Variants in PINX1 observed in about 807,000 individuals in gnomAD.
PINX1 encodes PIN2/TERF1-interacting telomerase inhibitor 1.
PINX1 carries 34 observed loss-of-function variants against 25.4 expected under a neutral mutation model. The ratio of observed to expected loss-of-function variants is 1.34; its 90% CI spans 1.02 to 1.78. The LOEUF is 1.78. Ranked by LOEUF, PINX1 falls within the 40% of genes most tolerant of loss-of-function variation. The pLI is 0.00. For synonymous variants in PINX1, 197 were observed against 147.7 expected, an observed-to-expected ratio of 1.33 and a Z score of -2.42; for missense variants, 592 against 404.9, an observed-to-expected ratio of 1.46 and a Z score of -3.97.
At chr8:10,829,664 T>C (rs968003408) in intron 4 of PINX1, among the ~76,000 whole-genome samples, 1 of 151,830 alleles carries the variant, frequency 6.6e-6, no homozygotes, top group African/African-American at 2.4e-5. Flanking sequence ...CCAAGTCTTA[T>C]ATGTTCATGC....
At chr8:10,775,304 C>A (rs1030150668) in intron 6 of PINX1, among the ~76,000 whole-genome samples, 7 of 151,956 alleles carry the variant, frequency 4.6e-5, no homozygotes, top group African/African-American at 1.4e-4. Context: ...GGCAACAAAG[C>A]ATTGTTTGCA....
chr8:10,766,925 A>G (rs1801068959), intron 6 of PINX1, among the ~76,000 whole-genome samples: 1 of 152,228 alleles, frequency 6.6e-6, no homozygotes, highest in South Asian at 2.1e-4. Flanking sequence ...CCTGTGAGGC[A>G]GGAAGTGCTT....
chr8:10,787,322 G>C (rs1216468769), intron 6 of PINX1, among the ~76,000 whole-genome samples: 1 of 151,986 alleles, frequency 6.6e-6, no homozygotes, highest in Non-Finnish European at 1.5e-5. Context: ...GAATTCCTGG[G>C]CTCAAGCAAT....
intron 6 of PINX1, among the ~76,000 whole-genome samples, chr8:10,815,359 T>A (rs1036103864): frequency 6.6e-6 from 1 of 152,270 alleles, no homozygotes; most frequent in East Asian, 1.9e-4. Context: ...CGCTTTGATA[T>A]AATTTTCTTT....
chr8:10,785,754 G>T (rs988398064), intron 6 of PINX1, among the ~76,000 whole-genome samples: 2 of 152,204 alleles, frequency 1.3e-5, no homozygotes, highest in African/African-American at 4.8e-5. Context: ...CCCAGTATGT[G>T]GAGGTCTGTT....
chr8:10,810,861 G>A (rs1399233382), intron 6 of PINX1, among the ~76,000 whole-genome samples: 2 of 152,222 alleles, frequency 1.3e-5, no homozygotes, highest in Non-Finnish European at 2.9e-5. Context: ...GCAGACAGGA[G>A]TCACTTCACT....
chr8:10,839,687 C>A, intron 1 of PINX1, 51 bp downstream of exon 1: 1 of 1,568,672 alleles, frequency 6.4e-7, no homozygotes, highest in South Asian at 1.2e-5. Context: ...TGCGCGTCAC[C>A]CGGCATCTTC....
intron 6 of PINX1, among the ~76,000 whole-genome samples, chr8:10,776,031 A>T (rs555043844): frequency 2.0e-5 from 3 of 152,324 alleles, no homozygotes; most frequent in South Asian, 4.1e-4. Context: ...TTGAAAATCA[A>T]CAGCTACATT....
chr8:10,775,981 TA>T (rs1197548163), intron 6 of PINX1, among the ~76,000 whole-genome samples: 1 of 152,264 alleles, frequency 6.6e-6, no homozygotes, highest in East Asian at 1.9e-4. Context: ...AATCCCCTTG[TA>T]AAAGCCCCTG....
chr8:10,826,178 C>T lies in PINX1; in HGVS notation c.368G>A (p.Arg123His), dbSNP rs369293194. The T allele has an allele frequency of 1.1e-5, 17 of 1,583,530 alleles. No homozygotes were observed. The highest frequency in any genetic ancestry group is 2.3e-5 in the South Asian group (2 of 88,582). ...LEEKSKISKNRVHYMKFTKGK... is the reference protein window; with the variant it reads ...LEEKSKISKNHVHYMKFTKGK... ...TTTTGTGAATTTCATATAGTGAACA[C>T]GGTTTTTGGAGATTTTGGACTTTTC... Residue 123 changes from arginine (R) to histidine (H), a missense_variant, in exon 5 of 7, where the codon CGT becomes CAT. Coordinates refer to ENST00000314787, the MANE Select transcript of PINX1 (RefSeq NM_017884.6).
chr8:10,802,954 A>AC (rs1421061352), intron 6 of PINX1, among the ~76,000 whole-genome samples: 1 of 152,218 alleles, frequency 6.6e-6, no homozygotes, highest in African/African-American at 2.4e-5. Context: ...GGGCAAAAAT[A>AC]AATTGGACAC....
At position 10,776,466 on chromosome 8, in the gene PINX1, CAAAT is replaced by C. The variant is rs563381582; in HGVS notation, c.472-10554_472-10551del. Among the ~76,000 whole-genome samples, 392 of 142,824 alleles carry C rather than the reference CAAAT, an allele frequency of 2.7e-3. 2 individuals carry two copies. Among genetic ancestry groups the C allele is most frequent in the African/African-American group, 7.8e-3 (283 of 36,078 alleles). 93.7% of individuals were successfully genotyped at this position (142,824 alleles called of 152,430 possible). On this transcript the variant is annotated intron_variant, in intron 6 of 6. Transcript: ENST00000314787. ...ATAAATAAACAAACAAACAAACAAACAAATAAAAATTGGTCTTTAACATTATATA... is the reference window on the plus strand; with the variant it reads ...ATAAATAAACAAACAAACAAACAAACAAAAATTGGTCTTTAACATTATATA...
chr8:10,801,315 T>C (rs967791432), intron 6 of PINX1, among the ~76,000 whole-genome samples: 7 of 152,258 alleles, frequency 4.6e-5, no homozygotes, highest in Admixed American at 3.9e-4. Context: ...GCCCCAGCTA[T>C]CTGCTTAGAC....
At chr8:10,787,810 T>G (rs1242376804) in intron 6 of PINX1, 2 of 456,036 alleles carry the variant, frequency 4.4e-6, no homozygotes, top group Non-Finnish European at 8.8e-6. Context: ...GAATCCAAGG[T>G]GACTTCAACA....
chr8:10,824,476 C>T (rs1797975926), intron 5 of PINX1, among the ~76,000 whole-genome samples: 1 of 152,178 alleles, frequency 6.6e-6, no homozygotes, highest in Non-Finnish European at 1.5e-5. Context: ...TGCATACTGA[C>T]TCCCTCTTCT....
chr8:10,810,593 A>T (rs907764124), intron 6 of PINX1, among the ~76,000 whole-genome samples: 9 of 152,166 alleles, frequency 5.9e-5, no homozygotes, highest in African/African-American at 2.2e-4. Flanking sequence ...GATATGAGGA[A>T]ATATAAAAAT....
intron 6 of PINX1, among the ~76,000 whole-genome samples, chr8:10,810,586 A>G (rs1310475642): frequency 6.6e-6 from 1 of 152,188 alleles, no homozygotes; most frequent in African/African-American, 2.4e-5. Flanking sequence ...AATTCTAGAT[A>G]TGAGGAAATA....
At chr8:10,777,670 T>C (rs72550747) in intron 6 of PINX1, among the ~76,000 whole-genome samples, 2,430 of 152,282 alleles carry the variant, frequency 0.016, 62 homozygotes, top group African/African-American at 0.056. Flanking sequence ...AAATTGCCTT[T>C]TTTTTAAAAA....
chr8:10,826,280 T>C (rs370974034), intron 4 of PINX1, 36 bp from the exon 5 acceptor site: 2 of 1,121,826 alleles, frequency 1.8e-6, no homozygotes, highest in African/African-American at 1.6e-5. Context: ...TTAAAGTCTT[T>C]CTAATCCAAT....
Sources: allele counts gnomAD v4.1 joint callset (sites outside exome capture counted in the v4.1 genomes callset), GRCh38; gene constraint gnomAD v4.1.1; transcripts MANE v1.5; gene names NCBI Gene and HGNC (gene_info 2026-07-23, HGNC 2026-07-21).